OR2L13: variants seen among roughly 807,000 people sequenced by gnomAD.
OR2L13 encodes olfactory receptor 2L13.
OR2L13 carries 14 observed loss-of-function variants against 15.3 expected under a neutral mutation model. The ratio of observed to expected loss-of-function variants is 0.91; its 90% CI spans 0.60 to 1.43. The LOEUF (loss-of-function observed/expected upper bound fraction) is 1.43, where lower values mean the gene tolerates loss of function less well. Ranked by LOEUF, OR2L13 falls within the 40% of genes most tolerant of loss-of-function variation. The pLI, the probability that OR2L13 is intolerant of heterozygous loss-of-function variation, is 0.00. For synonymous variants in OR2L13, 152 were observed against 142.9 expected, an observed-to-expected ratio of 1.06 and a Z score of -0.45; for missense variants, 367 against 387.9, an observed-to-expected ratio of 0.95 and a Z score of 0.45.
chr1:247,961,348 A>G, the OR2L13 span, among the ~76,000 whole-genome samples: 2 of 152,146 alleles, frequency 1.3e-5, no homozygotes, highest in African/African-American at 4.8e-5. Flanking sequence ...AGAAGATAGT[A>G]TTGAGAACTG....
chr1:248,060,658 C>T, the OR2L13 span: 2 of 1,576,284 alleles, frequency 1.3e-6, no homozygotes, highest in Non-Finnish European at 1.7e-6. Context: ...TGTCTCCCTT[C>T]AGGAAAGAGC....
At chr1:248,038,315 G>C in the OR2L13 span, 1 of 1,613,372 alleles carries the variant, frequency 6.2e-7, no homozygotes, top group Non-Finnish European at 8.5e-7. Context: ...TATTGGGGCT[G>C]TTCCCACAAT....
the OR2L13 span, among the ~76,000 whole-genome samples, chr1:248,077,798 C>T: frequency 6.6e-6 from 1 of 152,092 alleles, no homozygotes; most frequent in African/African-American, 2.4e-5. Context: ...ATGCAGGTAA[C>T]TATATATTTA....
At chr1:247,947,709 A>G in the OR2L13 span, among the ~76,000 whole-genome samples, 1 of 152,216 alleles carries the variant, frequency 6.6e-6, no homozygotes, top group Non-Finnish European at 1.5e-5. Flanking sequence ...GAGGCCAAAG[A>G]GAATGGATGA....
the OR2L13 span, among the ~76,000 whole-genome samples, chr1:248,014,317 G>A: frequency 4.2e-4 from 64 of 152,144 alleles, 1 homozygote; most frequent in East Asian, 8.9e-3. Context: ...AGTCTGTAGA[G>A]CAATGATATA....
the OR2L13 span, among the ~76,000 whole-genome samples, chr1:248,042,689 T>C: frequency 5.3e-5 from 8 of 152,040 alleles, no homozygotes; most frequent in Non-Finnish European, 1.0e-4. Context: ...TTAACTTAGG[T>C]CTTTTGTTCT....
chr1:247,982,839 T>C, the OR2L13 span, among the ~76,000 whole-genome samples: 123 of 152,246 alleles, frequency 8.1e-4, no homozygotes, highest in African/African-American at 2.9e-3. Flanking sequence ...ATTTTTATTA[T>C]TTCACAGTTA....
chr1:248,023,606 C>T, the OR2L13 span: 1 of 152,178 alleles, frequency 6.6e-6, no homozygotes, highest in Non-Finnish European at 1.5e-5. Context: ...TTTTTTTCTA[C>T]TTACTCTTCA....
At chr1:248,072,924 A>G in the OR2L13 span, among the ~76,000 whole-genome samples, 3 of 152,220 alleles carry the variant, frequency 2.0e-5, no homozygotes, top group Non-Finnish European at 4.4e-5. Context: ...AACCACAATG[A>G]GATAGCATCT....
chr1:248,010,357 G>GAGGC, the OR2L13 span, among the ~76,000 whole-genome samples: 2 of 152,066 alleles, frequency 1.3e-5, no homozygotes, highest in Admixed American at 6.6e-5. Flanking sequence ...TGTTGGGTCA[G>GAGGC]TTTAAGAAGA....
chr1:247,939,176 A>C, the OR2L13 span: 1 of 152,220 alleles, frequency 6.6e-6, no homozygotes, highest in Non-Finnish European at 1.5e-5. Context: ...CTTAGTAAGT[A>C]AACAAATTGA....
the OR2L13 span, among the ~76,000 whole-genome samples, chr1:248,048,923 CT>C: frequency 2.4e-3 from 344 of 141,558 alleles, no homozygotes; most frequent in East Asian, 8.8e-3. Flanking sequence ...TTCTCTCTCT[CT>C]TTTTTTTTTT....
At chr1:247,952,872 C>T in the OR2L13 span, among the ~76,000 whole-genome samples, 1 of 152,120 alleles carries the variant, frequency 6.6e-6, no homozygotes, top group South Asian at 2.1e-4. Context: ...CATTCCATCT[C>T]TCTGAAGTTA....
At chr1:248,070,383 C>T in the OR2L13 span, among the ~76,000 whole-genome samples, 1 of 151,928 alleles carries the variant, frequency 6.6e-6, no homozygotes, top group African/African-American at 2.4e-5. Context: ...CTACTGGGTA[C>T]ATAACGAAAT....
chr1:248,053,656 G>GGC, the OR2L13 span, among the ~76,000 whole-genome samples: 1 of 152,130 alleles, frequency 6.6e-6, no homozygotes, highest in South Asian at 2.1e-4. Flanking sequence ...CATTCTGATC[G>GGC]GCAGCAGATG....
At chr1:247,973,481 A>G in the OR2L13 span, among the ~76,000 whole-genome samples, 3 of 152,016 alleles carry the variant, frequency 2.0e-5, no homozygotes, top group Middle Eastern at 3.4e-3. Context: ...TTATACATCA[A>G]TAATAGACAG....
chr1:248,017,331 T>C, the OR2L13 span, among the ~76,000 whole-genome samples: 1 of 152,246 alleles, frequency 6.6e-6, no homozygotes, highest in Admixed American at 6.5e-5. Flanking sequence ...TGGCTGAGAC[T>C]GCTTCCTCAT....
chr1:248,094,746 A>C (rs1283873516), upstream of OR2L13, among the ~76,000 whole-genome samples: 1 of 152,222 alleles, frequency 6.6e-6, no homozygotes, highest in Non-Finnish European at 1.5e-5. Flanking sequence ...AGTCACAATC[A>C]TCAATCATTC....
At chr1:248,015,165 A>G in the OR2L13 span, among the ~76,000 whole-genome samples, 1 of 152,204 alleles carries the variant, frequency 6.6e-6, no homozygotes, top group East Asian at 1.9e-4. Context: ...TGGTTCTCCA[A>G]ATTCATACCC....
Sources: gnomAD v4.1 joint callset for allele counts (sites outside exome capture counted in the v4.1 genomes callset) on GRCh38, gnomAD v4.1.1 for gene constraint, MANE v1.5 for transcripts, NCBI Gene and HGNC (gene_info 2026-07-23, HGNC 2026-07-21) for gene names.